Variants in MS4A4E observed in about 807,000 individuals in gnomAD.
MS4A4E encodes the protein membrane spanning 4-domains A4E, also known as putative membrane-spanning 4-domains subfamily A member 4E.
Under a neutral mutation model 13.3 loss-of-function variants are expected in MS4A4E, and 23 were observed. The observed-to-expected ratio is 1.73, with a 90% CI of 1.25 to 2.45. MS4A4E has a LOEUF of 2.45. Among genes scored for constraint, MS4A4E ranks in the 30% most tolerant of loss-of-function variants. The pLI is 0.00. For missense variants in MS4A4E, 144 were observed against 131.2 expected (o/e 1.10, Z -0.48); for synonymous variants, 36 against 45.6 (o/e 0.79, Z 0.85).
chr11:60,227,112 A>G (rs1302861777), intron 3 of MS4A4E, among the ~76,000 whole-genome samples: 5 of 117,958 alleles, frequency 4.2e-5, no homozygotes, highest in South Asian at 6.5e-4. Flanking sequence ...TATGTACAAA[A>G]TCTATAAGAG....
chr11:60,217,743 C>A (rs550551859), intron 3 of MS4A4E, among the ~76,000 whole-genome samples: 1 of 152,222 alleles, frequency 6.6e-6, no homozygotes. Context: ...CAATCAATAC[C>A]CTTGTGATTT....
chr11:60,228,617 C>T lies in MS4A4E; in HGVS notation c.155G>A (p.Gly52Glu), dbSNP rs2084371773. ...RKPKVLGVLCGHKFSTHSVSL... is the reference protein window; with the variant it reads ...RKPKVLGVLCEHKFSTHSVSL... ...ACCCGAATGAGTTGAAAACTTATGT[C>T]CACACAAAACCTGCACACAGATATT... Residue 52 changes from glycine (G) to glutamate (E), a missense_variant, in exon 3 of 9, where the codon GGA becomes GAA. This residue lies in a region of MS4A4E where 119 missense variants were observed against 88.7 expected (regional missense o/e 1.34). Transcript: ENST00000651255. 2.9e-6 allele frequency: 2 copies of T among 698,104 alleles called. No individual in the cohort carries two copies. The highest frequency in any genetic ancestry group is 5.2e-6 in the Non-Finnish European group (2 of 382,784). 43.2% of individuals were successfully genotyped at this position (698,104 alleles called of 1,614,324 possible). A position where few individuals can be genotyped will look rare whatever the true frequency, so the allele number is the denominator to read the frequency against.
chr11:60,219,020 GT>G (rs1252625390), intron 3 of MS4A4E, among the ~76,000 whole-genome samples: 1 of 152,162 alleles, frequency 6.6e-6, no homozygotes, highest in Non-Finnish European at 1.5e-5. Context: ...CCCACTGTGG[GT>G]GAGCTGAAAA....
At chr11:60,240,349 T>G (rs657513) in intron 1 of MS4A4E, among the ~76,000 whole-genome samples, 7,537 of 152,300 alleles carry the variant, frequency 0.049, 259 homozygotes, top group Non-Finnish European at 0.068. Flanking sequence ...TCCCATCTCC[T>G]CGTGCCAAGC....
At chr11:60,239,406 C>T (rs556578834) in intron 1 of MS4A4E, among the ~76,000 whole-genome samples, 2 of 152,320 alleles carry the variant, frequency 1.3e-5, no homozygotes, top group South Asian at 4.1e-4. Flanking sequence ...TTTCCTCTAA[C>T]ACTTCCTACC....
intron 6 of MS4A4E, chr11:60,206,635 T>C (rs2084052403): frequency 4.8e-6 from 1 of 208,550 alleles, no homozygotes; most frequent in East Asian, 1.2e-4. Flanking sequence ...ACAGTCAGCA[T>C]AGATTTCTGG....
chr11:60,223,333 T>G (rs2084297026), intron 3 of MS4A4E, among the ~76,000 whole-genome samples: 1 of 152,226 alleles, frequency 6.6e-6, no homozygotes, highest in South Asian at 2.1e-4. Context: ...TGTTGTTAAC[T>G]TTAGGTAATA....
intron 2 of MS4A4E, among the ~76,000 whole-genome samples, chr11:60,229,236 TA>T (rs1161133913): frequency 3.3e-5 from 5 of 152,182 alleles, no homozygotes; most frequent in Non-Finnish European, 7.4e-5. Flanking sequence ...TCCATACATT[TA>T]AAAATTGAAC....
At chr11:60,230,524 C>G (rs1480402833) in intron 1 of MS4A4E, among the ~76,000 whole-genome samples, 2 of 152,192 alleles carry the variant, frequency 1.3e-5, no homozygotes, top group Non-Finnish European at 2.9e-5. Flanking sequence ...CAAAGCACAG[C>G]TAAATTCTCA....
At chr11:60,235,801 A>T (rs1387436293) in intron 1 of MS4A4E, among the ~76,000 whole-genome samples, 1 of 152,188 alleles carries the variant, frequency 6.6e-6, no homozygotes, top group South Asian at 2.1e-4. Flanking sequence ...ATTTTATTTT[A>T]TCTCTTTGCT....
At chr11:60,218,752 C>T (rs944512619) in intron 3 of MS4A4E, among the ~76,000 whole-genome samples, 8 of 151,964 alleles carry the variant, frequency 5.3e-5, no homozygotes, top group East Asian at 1.9e-4. Flanking sequence ...GTTCAGAATG[C>T]GATACACAAG....
intron 6 of MS4A4E, among the ~76,000 whole-genome samples, chr11:60,206,111 G>T (rs190062928): frequency 9.2e-5 from 14 of 152,014 alleles, no homozygotes; most frequent in Non-Finnish European, 1.9e-4. Context: ...GGAAAAGGAT[G>T]GGGGAGAAGG....
intron 1 of MS4A4E, among the ~76,000 whole-genome samples, chr11:60,237,072 A>AT (rs1490459756): frequency 6.6e-6 from 1 of 151,846 alleles, no homozygotes; most frequent in Non-Finnish European, 1.5e-5. Flanking sequence ...CCTATAATTT[A>AT]TTTTTTCTGC....
chr11:60,207,484 A>G (rs1243983558), intron 6 of MS4A4E, among the ~76,000 whole-genome samples: 2 of 152,174 alleles, frequency 1.3e-5, no homozygotes, highest in Non-Finnish European at 2.9e-5. Context: ...TTAATGCGCT[A>G]TAGTCAATCT....
At chr11:60,213,946 C>A (rs1388337621) in intron 4 of MS4A4E, among the ~76,000 whole-genome samples, 3 of 151,810 alleles carry the variant, frequency 2.0e-5, no homozygotes, top group African/African-American at 7.3e-5. Context: ...TGCTCTGTCA[C>A]CAGGCTGAAG....
intron 3 of MS4A4E, among the ~76,000 whole-genome samples, chr11:60,218,528 G>A (rs1045349513): frequency 6.6e-6 from 1 of 152,034 alleles, no homozygotes; most frequent in Non-Finnish European, 1.5e-5. Context: ...TCTCTCTTTT[G>A]TGTACTCTGT....
intron 1 of MS4A4E, among the ~76,000 whole-genome samples, chr11:60,237,437 G>T (rs969149704): frequency 6.6e-6 from 1 of 152,166 alleles, no homozygotes; most frequent in Non-Finnish European, 1.5e-5. Flanking sequence ...AAAATAGAAT[G>T]ATTTCTATTC....
At chr11:60,233,246 A>G (rs999655234) in intron 1 of MS4A4E, among the ~76,000 whole-genome samples, 3 of 152,084 alleles carry the variant, frequency 2.0e-5, no homozygotes, top group Non-Finnish European at 4.4e-5. Context: ...AGTTAACACT[A>G]TGTGGCACTC....
chr11:60,211,800 C>T (rs2084124510), intron 5 of MS4A4E, among the ~76,000 whole-genome samples: 1 of 152,140 alleles, frequency 6.6e-6, no homozygotes, highest in African/African-American at 2.4e-5. Flanking sequence ...GTAATTCCAG[C>T]TACTTGGGAT....
Sources: gnomAD v4.1 joint callset for allele counts (sites outside exome capture counted in the v4.1 genomes callset) on GRCh38, gnomAD v4.1.1 for gene constraint, gnomAD v4.1.1 regional missense constraint, MANE v1.5 for transcripts, NCBI Gene and HGNC (gene_info 2026-07-23, HGNC 2026-07-21) for gene names.